Variants in RPH3A observed in about 807,000 individuals in gnomAD.
RPH3A encodes rabphilin-3A.
In RPH3A, 48 loss-of-function variants were observed where a neutral mutation model predicts 102.2. The ratio of observed to expected loss-of-function variants is 0.47; its 90% CI spans 0.37 to 0.60. RPH3A has a LOEUF of 0.60. RPH3A is among the 20% of genes least tolerant of loss of function. The pLI is 0.00. For synonymous variants in RPH3A, 310 were observed against 324.3 expected (o/e 0.96, Z 0.47); for missense variants, 781 against 910.1 (o/e 0.86, Z 1.83).
At chr12:112,877,803 A>T (rs2042834653) in intron 13 of RPH3A, among the ~76,000 whole-genome samples, 1 of 152,190 alleles carries the variant, frequency 6.6e-6, no homozygotes, top group South Asian at 2.1e-4. Flanking sequence ...ACCCACGAGG[A>T]ATTGTTGTTA....
At chr12:112,690,700 G>A (rs1289987058) in intron 1 of RPH3A, among the ~76,000 whole-genome samples, 1 of 152,176 alleles carries the variant, frequency 6.6e-6, no homozygotes, top group East Asian at 1.9e-4. Context: ...ACGAGATCAG[G>A]GTTCCTGCCT....
At chr12:112,711,748 T>C (rs2040463864) in intron 1 of RPH3A, among the ~76,000 whole-genome samples, 1 of 152,212 alleles carries the variant, frequency 6.6e-6, no homozygotes, top group African/African-American at 2.4e-5. Context: ...GGAGGAGTGA[T>C]AACCCATACT....
intron 8 of RPH3A, chr12:112,868,809 G>A (rs547933652): frequency 4.6e-5 from 22 of 478,370 alleles, no homozygotes; most frequent in African/African-American, 1.9e-4. Flanking sequence ...ATGCCAAGCC[G>A]CCCAGAGGCT....
intron 1 of RPH3A, among the ~76,000 whole-genome samples, chr12:112,710,332 G>A (rs564618632): frequency 1.8e-4 from 27 of 152,256 alleles, no homozygotes; most frequent in Admixed American, 8.5e-4. Context: ...CCAGAACCCC[G>A]TTCTTCCTGG....
intron 1 of RPH3A, among the ~76,000 whole-genome samples, chr12:112,661,190 C>T (rs1423909909): frequency 1.3e-5 from 2 of 152,124 alleles, no homozygotes; most frequent in South Asian, 2.1e-4. Flanking sequence ...TTATGGAATA[C>T]AGAATGGTGG....
chr12:112,746,349 A>G (rs1157458000), intron 1 of RPH3A, among the ~76,000 whole-genome samples: 2 of 152,164 alleles, frequency 1.3e-5, no homozygotes, highest in African/African-American at 4.8e-5. Context: ...TGCTCATGTG[A>G]CAAATGAAGA....
At chr12:112,653,855 A>G (rs1428548461) in intron 1 of RPH3A, among the ~76,000 whole-genome samples, 2 of 152,194 alleles carry the variant, frequency 1.3e-5, no homozygotes, top group African/African-American at 2.4e-5. Context: ...TCCTTATTCT[A>G]TAAGCTTTTT....
Position 112,896,801 on chromosome 12 carries a change from C to G in RPH3A, c.*21C>G. ...ATTAGGCTAGTGCCCAGGTCCCCAT[C>G]TCCATGTCCCGGGTCCCCCCCAGCC... On this transcript the variant is annotated 3_prime_UTR_variant, in exon 22 of 22. Transcript: ENST00000389385. 6.2e-7 allele frequency: 1 copy of G among 1,613,172 alleles called. No individual in the cohort carries two copies. The highest frequency in any genetic ancestry group is 8.5e-7 in the Non-Finnish European group (1 of 1,179,628).
chr12:112,639,397 G>A (rs369320525), intron 1 of RPH3A, among the ~76,000 whole-genome samples: 44 of 152,184 alleles, frequency 2.9e-4, no homozygotes, highest in African/African-American at 4.8e-4. Flanking sequence ...ACACAGGAAC[G>A]GAAAACCAAA....
chr12:112,896,652 GGCT>G lies in RPH3A; in HGVS notation c.1960_1962del (p.Cys654del). On this transcript the variant is annotated inframe_deletion, in exon 22 of 22. Coordinates refer to ENST00000389385, the MANE Select transcript of RPH3A (RefSeq NM_001143854.2). ...CTATCTTCCCATTTATCCTCCAGGA[GGCT>G]GCCAGCTGGGGATCTCTGCCAAGGG... 1 of 1,614,074 alleles carries G rather than the reference GGCT, an allele frequency of 6.2e-7. No individual in the cohort carries two copies. The highest frequency in any genetic ancestry group is 8.5e-7 in the Non-Finnish European group (1 of 1,179,992).
intron 1 of RPH3A, among the ~76,000 whole-genome samples, chr12:112,696,680 T>C (rs2040354309): frequency 6.6e-6 from 1 of 152,206 alleles, no homozygotes; most frequent in Non-Finnish European, 1.5e-5. Context: ...AAGAGGAGAA[T>C]TCCCCCATCA....
chr12:112,740,254 T>A (rs1298829028), intron 1 of RPH3A, among the ~76,000 whole-genome samples: 2 of 152,222 alleles, frequency 1.3e-5, no homozygotes, highest in Non-Finnish European at 2.9e-5. Flanking sequence ...GCTCAGTTTC[T>A]GGCATATAAT....
In RPH3A at chr12:112,795,427, C is replaced by T. The variant is rs1019999976; in HGVS notation, c.-19+3164C>T. Among the ~76,000 whole-genome samples, 10 of 152,322 alleles carry T rather than the reference C, an allele frequency of 6.6e-5. No individual in the cohort carries two copies. The South Asian group carries it at 1.2e-3, about 19-fold the overall frequency. ...ATGATTTTAAATAATTCAGCTGCCA[C>T]CCAGGATGGAGAGCCTTGATGTGCT... is the stretch of plus-strand genomic sequence containing the variant. On this transcript the variant is annotated intron_variant, in intron 2 of 21. Transcript: ENST00000389385.
At chr12:112,882,217 A>G (rs1434101862) in intron 15 of RPH3A, among the ~76,000 whole-genome samples, 1 of 152,132 alleles carries the variant, frequency 6.6e-6, no homozygotes, top group Non-Finnish European at 1.5e-5. Flanking sequence ...TCATCTCTCA[A>G]TAGAAATGAG....
chr12:112,891,332 G>C, intron 19 of RPH3A: 1 of 250,258 alleles, frequency 4.0e-6, no homozygotes, highest in South Asian at 8.6e-5. Context: ...CCCTCGGACC[G>C]CTCAGACCTC....
intron 1 of RPH3A, among the ~76,000 whole-genome samples, chr12:112,669,215 A>G (rs1276773887): frequency 6.6e-6 from 1 of 152,244 alleles, no homozygotes; most frequent in Non-Finnish European, 1.5e-5. Flanking sequence ...AAAGGGCCGT[A>G]TGAACTAGCA....
intron 1 of RPH3A, chr12:112,695,167 G>T (rs1243473999): frequency 1.2e-5 from 2 of 170,038 alleles, no homozygotes; most frequent in Non-Finnish European, 2.9e-5. Flanking sequence ...AAATTTAACT[G>T]GGCTTTCTGT....
intron 1 of RPH3A, among the ~76,000 whole-genome samples, chr12:112,737,775 T>C (rs112588276): frequency 0.012 from 1,861 of 152,260 alleles, 40 homozygotes; most frequent in African/African-American, 0.042. Context: ...CCGAGTCCAA[T>C]AACTGGAAAA....
At position 112,866,113 on chromosome 12, in the gene RPH3A, T is replaced by A. The variant is rs964251829; in HGVS notation, c.360+570T>A. On this transcript the variant is annotated intron_variant, in intron 6 of 21. Coordinates refer to ENST00000389385, the MANE Select transcript of RPH3A (RefSeq NM_001143854.2). ...ACAACTGTCCTGGGGTCTGCCGGAC[T>A]CCAAGAGTTCAGTTGAACAACCCAG... Among the ~76,000 whole-genome samples, 27 of 152,214 alleles carry A rather than the reference T, an allele frequency of 1.8e-4. 1 individual carries two copies.
Sources: gnomAD v4.1 joint callset for allele counts (sites outside exome capture counted in the v4.1 genomes callset) on GRCh38, gnomAD v4.1.1 for gene constraint, MANE v1.5 for transcripts, NCBI Gene and HGNC (gene_info 2026-07-23, HGNC 2026-07-21) for gene names.